The following LIN52 variants were observed in gnomAD, a reference collection of about 807,000 sequenced individuals.
LIN52 encodes the protein lin-52 DREAM MuvB core complex component.
LIN52 carries 4 observed loss-of-function variants against 18.5 expected under a neutral mutation model. The observed-to-expected ratio is 0.22, with a 90% CI of 0.11 to 0.49. The LOEUF (loss-of-function observed/expected upper bound fraction) is 0.49. Ranked by LOEUF, LIN52 falls within the 20% of genes least tolerant of loss-of-function variation. LIN52 has a pLI of 0.97. For missense variants in LIN52, 102 were observed against 139.5 expected, an observed-to-expected ratio of 0.73 and a Z score of 1.35; for synonymous variants, 34 against 45.5, an observed-to-expected ratio of 0.75 and a Z score of 1.02.
rs764301299 is a variant in LIN52, at chr14:74,097,907, C to A, written c.199+47C>A. The stretch of plus-strand genomic sequence containing the variant: ...TTTTAACTGGATATTTATGTTTTTC[C>A]ATAGACCACCTCTCTATTTTTTTTT... On this transcript the variant is annotated intron_variant, in intron 4 of 5. Transcript: ENST00000555028. 5.2e-6 allele frequency: 7 copies of A among 1,359,194 alleles called. No homozygotes were observed. In the Middle Eastern group the frequency reaches 5.5e-4, roughly 106 times the overall value. The allele number at this position is 1,359,194 out of a possible 1,614,324, so 84.2% of individuals were successfully genotyped here. A position where few individuals can be genotyped will look rare whatever the true frequency, so the allele number is the denominator to read the frequency against.
chr14:74,178,114 G>C (rs1214436489), intron 5 of LIN52, among the ~76,000 whole-genome samples: 1 of 152,078 alleles, frequency 6.6e-6, no homozygotes, highest in Non-Finnish European at 1.5e-5. Context: ...ATAGATTTTT[G>C]TTTCGTTTTT....
chr14:74,173,936 G>T (rs1320239016), intron 5 of LIN52, among the ~76,000 whole-genome samples: 1 of 152,192 alleles, frequency 6.6e-6, no homozygotes, highest in Non-Finnish European at 1.5e-5. Context: ...AGCTTCCTTT[G>T]TGCTTCAGGA....
chr14:74,090,131 G>T (rs1218381476), intron 1 of LIN52, among the ~76,000 whole-genome samples: 4 of 147,318 alleles, frequency 2.7e-5, no homozygotes, highest in African/African-American at 5.1e-5. Flanking sequence ...CGATTCTCCT[G>T]CCTCATCCTC....
chr14:74,123,634 G>A (rs1475134728), intron 5 of LIN52, among the ~76,000 whole-genome samples: 1 of 152,156 alleles, frequency 6.6e-6, no homozygotes, highest in South Asian at 2.1e-4. Flanking sequence ...ATATAGAACC[G>A]TGGTGTGGTA....
chr14:74,120,472 AGGCCAGGC>A (rs199610725), intron 5 of LIN52, among the ~76,000 whole-genome samples: 2,457 of 151,726 alleles, frequency 0.016, 63 homozygotes, highest in African/African-American at 0.056. Flanking sequence ...TACAAAAAGT[AGGCCAGGC>A]GTGGTAGCTC....
chr14:74,098,570 G>A (rs1463428415), intron 4 of LIN52, among the ~76,000 whole-genome samples: 1 of 143,550 alleles, frequency 7.0e-6, no homozygotes, highest in Non-Finnish European at 1.5e-5. Context: ...TTTTTCAGAC[G>A]GAGTCTCGCT....
At chr14:74,099,296 A>T (rs1195476558) in intron 4 of LIN52, among the ~76,000 whole-genome samples, 1 of 152,156 alleles carries the variant, frequency 6.6e-6, no homozygotes, top group Non-Finnish European at 1.5e-5. Context: ...AAACACCTTT[A>T]TTTGATTTTA....
intron 5 of LIN52, among the ~76,000 whole-genome samples, chr14:74,110,082 A>C (rs2060917732): frequency 6.6e-6 from 1 of 152,180 alleles, no homozygotes; most frequent in South Asian, 2.1e-4. Flanking sequence ...GATGTGCTTT[A>C]ATGTAAATAA....
intron 5 of LIN52, among the ~76,000 whole-genome samples, chr14:74,103,573 C>T (rs922725925): frequency 1.3e-5 from 2 of 150,972 alleles, no homozygotes; most frequent in Non-Finnish European, 2.9e-5. Flanking sequence ...GCTGGGATTA[C>T]AGGCATGTGC....
At chr14:74,160,288 C>A (rs951482255) in intron 5 of LIN52, among the ~76,000 whole-genome samples, 1 of 152,130 alleles carries the variant, frequency 6.6e-6, no homozygotes, top group Non-Finnish European at 1.5e-5. Context: ...TGCCTCACAG[C>A]CCTCAGAAGG....
At chr14:74,197,907 G>A (rs1452612180) in intron 5 of LIN52, among the ~76,000 whole-genome samples, 1 of 152,216 alleles carries the variant, frequency 6.6e-6, no homozygotes, top group Non-Finnish European at 1.5e-5. Flanking sequence ...CCAGGGTGAA[G>A]GTCCTTCTCA....
intron 1 of LIN52, among the ~76,000 whole-genome samples, chr14:74,086,431 TC>T (rs1219700224): frequency 2.6e-5 from 4 of 152,038 alleles, no homozygotes; most frequent in Non-Finnish European, 5.9e-5. Flanking sequence ...GGCAGGCAGA[TC>T]GCCTGAGCTC....
intron 5 of LIN52, among the ~76,000 whole-genome samples, chr14:74,154,495 C>A (rs1041523719): frequency 6.6e-6 from 1 of 152,134 alleles, no homozygotes; most frequent in Non-Finnish European, 1.5e-5. Flanking sequence ...TATATTTTAT[C>A]ATTTTTCCGA....
intron 5 of LIN52, among the ~76,000 whole-genome samples, chr14:74,178,522 A>AT (rs1456159986): frequency 6.7e-6 from 1 of 149,988 alleles, no homozygotes; most frequent in African/African-American, 2.5e-5. Flanking sequence ...CAGTGGTGCG[A>AT]TTTTGGCTCA....
Position 74,156,567 on chromosome 14 carries a change from C to T in LIN52, c.284-42355C>T, listed in dbSNP as rs997285273. On this transcript the variant is annotated intron_variant, in intron 5 of 5. Coordinates refer to ENST00000555028, the MANE Select transcript of LIN52 (RefSeq NM_001024674.3). ...TGAGTTATAGGGTGATATTTTGATA[C>T]ATGCATACAATGTGTAATGATCAAA... Among the ~76,000 whole-genome samples the T allele has an allele frequency of 5.3e-5, 8 of 152,246 alleles. No individual in the cohort carries two copies. The East Asian group carries it at 1.3e-3, about 26-fold the overall frequency.
chr14:74,175,040 A>ATAATAATAATAG (rs1353664147), intron 5 of LIN52, among the ~76,000 whole-genome samples: 2 of 149,730 alleles, frequency 1.3e-5, no homozygotes, highest in African/African-American at 4.9e-5. Context: ...AATAATAATA[A>ATAATAATAATAG]TAATGTACAC....
chr14:74,135,451 G>C (rs773761371), intron 5 of LIN52, among the ~76,000 whole-genome samples: 2 of 152,104 alleles, frequency 1.3e-5, no homozygotes, highest in African/African-American at 4.8e-5. Flanking sequence ...CCTATAGTCA[G>C]CCCACAAGTC....
intron 5 of LIN52, among the ~76,000 whole-genome samples, chr14:74,116,828 G>C (rs2139914815): frequency 6.6e-6 from 1 of 150,456 alleles, no homozygotes; most frequent in African/African-American, 2.4e-5. Context: ...TTTACAGCAG[G>C]TGTTTTTTTT....
At chr14:74,107,707 A>G (rs1252191162) in intron 5 of LIN52, among the ~76,000 whole-genome samples, 1 of 152,186 alleles carries the variant, frequency 6.6e-6, no homozygotes, top group Non-Finnish European at 1.5e-5. Context: ...ACCACAGACC[A>G]GTTAGTAGTC....
Sources: gnomAD v4.1 joint callset for allele counts (sites outside exome capture counted in the v4.1 genomes callset) on GRCh38, gnomAD v4.1.1 for gene constraint, MANE v1.5 for transcripts, NCBI Gene and HGNC (gene_info 2026-07-23, HGNC 2026-07-21) for gene names.